OGFOD2: variants seen among roughly 807,000 people sequenced by gnomAD.
The protein encoded by OGFOD2 is 2-oxoglutarate and iron-dependent oxygenase domain-containing protein 2.
A neutral mutation model predicts 31.1 loss-of-function variants in OGFOD2; 34 were observed. The ratio of observed to expected loss-of-function variants is 1.09; its 90% confidence interval spans 0.83 to 1.45. The LOEUF is 1.45. Ranked by LOEUF, OGFOD2 falls within the 40% of genes most tolerant of loss-of-function variation. The pLI is 0.00. For missense variants in OGFOD2, 537 were observed against 433.9 expected (o/e 1.24, Z -2.11); for synonymous variants, 240 against 192.3 (o/e 1.25, Z -2.05).
exon 2 of OGFOD2, chr12:122,975,819 C>T (rs780750204): frequency 4.8e-5 from 34 of 702,850 alleles, no homozygotes; most frequent in Non-Finnish European, 7.8e-5. Context: ...AGATCCTGCG[C>T]AGCCGAGGCT....
exon 7 of OGFOD2, chr12:122,979,248 A>G (rs771324415): frequency 6.2e-7 from 1 of 1,612,862 alleles, no homozygotes; most frequent in Non-Finnish European, 8.5e-7. Context: ...CCTCTGTCCC[A>G]TGTGCTGCCG....
chr12:122,976,930 A>G, exon 4 of OGFOD2: 1 of 1,613,802 alleles, frequency 6.2e-7, no homozygotes, highest in Non-Finnish European at 8.5e-7. Context: ...CCCCAGACGC[A>G]GACCTCAAGG....
At chr12:122,979,924 G>A (rs2037565108) in exon 7 of OGFOD2, 2 of 320,632 alleles carry the variant, frequency 6.2e-6, no homozygotes, top group Admixed American at 9.8e-5. Context: ...GCCACTTCCA[G>A]CTGTGTGGCT....
At chr12:122,978,179 T>G in intron 4 of OGFOD2, 1 of 362,404 alleles carries the variant, frequency 2.8e-6, no homozygotes, top group South Asian at 3.9e-5. Flanking sequence ...CCTTCCCCTC[T>G]CTGGGCCTCA....
At position 122,979,149 on chromosome 12, in the gene OGFOD2, G is replaced by C. The variant is rs200445847; in HGVS notation, c.856G>C (p.Gly286Arg). 5.9e-5 allele frequency: 95 copies of C among 1,609,480 alleles called. No individual in the cohort carries two copies. The highest frequency in any genetic ancestry group is 8.0e-5 in the Non-Finnish European group (94 of 1,178,258). Reference sequence around the variant, plus strand: ...GGTGGGCCAGGGTGTCCTCCACCGTGGCGGCCAGCTGCATGGAGCCCGGCC... The same window carrying C: ...GGTGGGCCAGGGTGTCCTCCACCGTCGCGGCCAGCTGCATGGAGCCCGGCC... Residue 286 changes from glycine (G) to arginine (R), a missense_variant, in exon 7 of 7, where the codon GGC (glycine) becomes CGC (arginine). Physicochemically the swap from Gly to Arg is moderately radical, Grantham distance 125. Transcript: ENST00000228922.
At chr12:122,976,403 T>C (rs775866147) in intron 2 of OGFOD2, 9 of 1,613,712 alleles carry the variant, frequency 5.6e-6, no homozygotes, top group East Asian at 2.2e-5. Flanking sequence ...ATGGTTGAGG[T>C]ACATCTAGGG....
chr12:122,978,545 G>T, exon 5 of OGFOD2: 2 of 1,613,388 alleles, frequency 1.2e-6, no homozygotes, highest in Admixed American at 1.7e-5. Context: ...CTAAGGGGAG[G>T]CCCAACACCA....
upstream of OGFOD2, chr12:122,975,017 A>G (rs920773522): frequency 2.4e-6 from 1 of 421,462 alleles, no homozygotes; most frequent in South Asian, 4.7e-5. Context: ...AAGTGGAGCC[A>G]TTAGTCCCTG....
chr12:122,979,206 G>A (rs1013351336), exon 7 of OGFOD2: 30 of 1,612,148 alleles, frequency 1.9e-5, no homozygotes, highest in East Asian at 8.9e-5. Context: ...GAACCTTGTC[G>A]TCTGGCTCCG....
exon 1 of OGFOD2, chr12:122,975,278 C>T (rs1220920882): frequency 2.9e-6 from 2 of 692,436 alleles, no homozygotes; most frequent in Admixed American, 2.0e-5. Context: ...CTCCGCGGCA[C>T]TTCTGCCGCT....
At chr12:122,976,265 G>C (rs1433364561) in intron 2 of OGFOD2, 1 of 979,358 alleles carries the variant, frequency 1.0e-6, no homozygotes, top group South Asian at 1.4e-5. Context: ...TGCTGCCAGG[G>C]CTGCTGCCCC....
At chr12:122,979,478 A>G (rs914065101) in exon 7 of OGFOD2, 9 of 1,120,842 alleles carry the variant, frequency 8.0e-6, no homozygotes, top group African/African-American at 4.7e-5. Flanking sequence ...GGGTCATTCT[A>G]TGGGCAAAGA....
chr12:122,976,945 T>C (rs2037452075), exon 4 of OGFOD2: 2 of 1,613,756 alleles, frequency 1.2e-6, no homozygotes, highest in Admixed American at 1.7e-5. Context: ...TCAAGGGCCT[T>C]CTCCAGCGGC....
chr12:122,977,258 A>C (rs576464405), intron 4 of OGFOD2: 17 of 434,678 alleles, frequency 3.9e-5, no homozygotes, highest in South Asian at 3.3e-4. Context: ...GGCACACTCA[A>C]ACAGGGCTGA....
upstream of OGFOD2, chr12:122,975,179 T>G (rs1414068331): frequency 8.1e-6 from 4 of 496,018 alleles, no homozygotes; most frequent in African/African-American, 5.9e-5. Flanking sequence ...GGCCGCTGGT[T>G]CCGCGCCTCC....
intron 4 of OGFOD2, 159 bp downstream of exon 4, chr12:122,977,129 C>T (rs1425632541): frequency 2.9e-6 from 2 of 699,230 alleles, no homozygotes; most frequent in Non-Finnish European, 5.2e-6. Flanking sequence ...AGGAGCAGGA[C>T]ATCCGCATTC....
At chr12:122,974,854 C>G (rs929564920), upstream of OGFOD2, 1 of 166,758 alleles carries the variant, frequency 6.0e-6, no homozygotes, top group Non-Finnish European at 1.3e-5. Context: ...GTCGGACCTC[C>G]GAGCTCTTTA....
intron 4 of OGFOD2, 25 bp downstream of exon 4, chr12:122,976,995 G>C: frequency 6.3e-7 from 1 of 1,596,782 alleles, no homozygotes. Flanking sequence ...CTGAGACCTG[G>C]CAGGACCAGG....
chr12:122,978,646 C>A, intron 5 of OGFOD2, 77 bp downstream of exon 5: 1 of 1,591,658 alleles, frequency 6.3e-7, no homozygotes, highest in Admixed American at 1.7e-5. Context: ...TGCAGATGGG[C>A]TGCCTGCCCG....
Sources: allele counts gnomAD v4.1 joint callset, GRCh38; gene constraint gnomAD v4.1.1; transcripts MANE v1.5; gene names NCBI Gene and HGNC (gene_info 2026-07-23, HGNC 2026-07-21).